The following MAGI2 variants were observed in gnomAD, a reference collection of about 807,000 sequenced individuals.
The protein encoded by MAGI2 is membrane-associated guanylate kinase, WW and PDZ domain-containing protein 2.
A neutral mutation model predicts 133.3 loss-of-function variants in MAGI2; 35 were observed. The observed-to-expected ratio is 0.26, with a 90% CI of 0.20 to 0.35. The LOEUF (loss-of-function observed/expected upper bound fraction) is 0.35. Among genes scored for constraint, MAGI2 ranks in the 10% least tolerant of loss-of-function variants. MAGI2 has a pLI of 1.00. For synonymous variants in MAGI2, 729 were observed against 710.6 expected (o/e 1.03, Z -0.41); for missense variants, 1,636 against 1,863.4 (o/e 0.88, Z 2.25).
Position 79,196,975 on chromosome 7 carries a change from T to C in MAGI2, c.302-189769A>G, listed in dbSNP as rs190449613. Among the ~76,000 whole-genome samples the C allele has an allele frequency of 4.9e-4, 74 of 151,854 alleles. 1 individual carries two copies. In the East Asian group the frequency reaches 6.6e-3, roughly 14 times the overall value. ...ATATATAGAGAGAGAGAGACTGGGTTTTGCCATGTTGCTCTAGCTAGTCTT... is the reference window on the plus strand; with the variant it reads ...ATATATAGAGAGAGAGAGACTGGGTCTTGCCATGTTGCTCTAGCTAGTCTT... On this transcript the variant is annotated intron_variant, in intron 1 of 21. Coordinates refer to ENST00000354212, the MANE Select transcript of MAGI2 (RefSeq NM_012301.4).
chr7:79,102,987 A>C, intron 1 of MAGI2, among the ~76,000 whole-genome samples: 1 of 152,200 alleles, frequency 6.6e-6, no homozygotes, highest in East Asian at 1.9e-4. Flanking sequence ...TGTGGGCAGC[A>C]GTTTCAGTCC....
Position 78,019,654 on chromosome 7 carries a change from G to T in MAGI2, c.4029C>A (p.Pro1343=), listed in dbSNP as rs1179058008. The T allele has an allele frequency of 4.3e-6, 5 of 1,170,796 alleles. No homozygotes were observed. The highest frequency in any genetic ancestry group is 3.8e-5 in the South Asian group (1 of 26,050). The allele number at this position is 1,170,796 out of a possible 1,614,324, so 72.5% of individuals were successfully genotyped here. ...GCCCGGGCGCCCTGGCCTCCGAGGCGGGCCTGCCGGCCTCGGGCCGCCCCT... is the reference window on the plus strand; with the variant it reads ...GCCCGGGCGCCCTGGCCTCCGAGGCTGGCCTGCCGGCCTCGGGCCGCCCCT... ...GGQGRPEAGR[P]ASEARAPGLA... The change falls in exon 22 of 22, where the codon CCC becomes CCA. Residue 1343 remains proline (P), a synonymous_variant. Coordinates refer to ENST00000354212, the MANE Select transcript of MAGI2 (RefSeq NM_012301.4).
intron 6 of MAGI2, among the ~76,000 whole-genome samples, chr7:78,370,134 A>G (rs1410202943): frequency 6.6e-6 from 1 of 152,122 alleles, no homozygotes; most frequent in East Asian, 1.9e-4. Flanking sequence ...AAGCACAGTT[A>G]TCAAAAGAAA....
At chr7:78,726,809 A>C (rs1820858138) in intron 2 of MAGI2, among the ~76,000 whole-genome samples, 1 of 152,200 alleles carries the variant, frequency 6.6e-6, no homozygotes, top group Non-Finnish European at 1.5e-5. Context: ...AGATCTATGT[A>C]ATATGTAGCA....
At chr7:78,248,531 A>G (rs1792036760) in intron 10 of MAGI2, among the ~76,000 whole-genome samples, 1 of 152,188 alleles carries the variant, frequency 6.6e-6, no homozygotes, top group Non-Finnish European at 1.5e-5. Flanking sequence ...AGAGACTCAC[A>G]TTAACCTTAA....
At chr7:78,272,307 A>C (rs568672523) in intron 9 of MAGI2, among the ~76,000 whole-genome samples, 1 of 151,990 alleles carries the variant, frequency 6.6e-6, no homozygotes, top group Non-Finnish European at 1.5e-5. Flanking sequence ...GGTCTGAGAG[A>C]CTGTTTATGA....
At chr7:78,740,659 T>C (rs572701590) in intron 2 of MAGI2, among the ~76,000 whole-genome samples, 1 of 152,314 alleles carries the variant, frequency 6.6e-6, no homozygotes, top group East Asian at 1.9e-4. Flanking sequence ...GCATCACTGA[T>C]ACTAGAGACC....
At chr7:78,110,446 G>A (rs544863302) in intron 20 of MAGI2, among the ~76,000 whole-genome samples, 128 of 152,260 alleles carry the variant, frequency 8.4e-4, no homozygotes, top group African/African-American at 2.6e-3. Flanking sequence ...AAATGAATGC[G>A]CTGAACATCC....
chr7:79,228,880 G>A (rs1173355787), intron 1 of MAGI2, among the ~76,000 whole-genome samples: 2 of 152,074 alleles, frequency 1.3e-5, no homozygotes, highest in South Asian at 2.1e-4. Flanking sequence ...CATTGGAAGC[G>A]GAGTAGGGGC....
intron 2 of MAGI2, among the ~76,000 whole-genome samples, chr7:78,980,097 G>A (rs1300244731): frequency 6.6e-6 from 1 of 151,714 alleles, no homozygotes; most frequent in African/African-American, 2.4e-5. Flanking sequence ...GGACTACCTA[G>A]GTGTAAATTC....
chr7:79,218,339 A>T (rs1830191301), intron 1 of MAGI2, among the ~76,000 whole-genome samples: 1 of 152,022 alleles, frequency 6.6e-6, no homozygotes. Flanking sequence ...TGGCACCTGC[A>T]CGTATTACAT....
At chr7:79,045,398 T>C (rs1041853320) in intron 1 of MAGI2, among the ~76,000 whole-genome samples, 10 of 152,220 alleles carry the variant, frequency 6.6e-5, no homozygotes, top group African/African-American at 1.2e-4. Context: ...ATTTTAAACA[T>C]TTACTTATAA....
chr7:79,032,579 C>A (rs961334250), intron 1 of MAGI2, among the ~76,000 whole-genome samples: 1 of 150,510 alleles, frequency 6.6e-6, no homozygotes, highest in African/African-American at 2.4e-5. Flanking sequence ...AACATCAAGT[C>A]TAGGTTTAGA....
chr7:78,495,908 A>G (rs953455089), intron 5 of MAGI2, among the ~76,000 whole-genome samples: 5 of 152,176 alleles, frequency 3.3e-5, no homozygotes, highest in African/African-American at 7.2e-5. Flanking sequence ...AAAATATTCA[A>G]TGTATCTCCT....
chr7:79,360,650 T>C (rs1453318182), intron 1 of MAGI2, among the ~76,000 whole-genome samples: 1 of 152,100 alleles, frequency 6.6e-6, no homozygotes, highest in Non-Finnish European at 1.5e-5. Context: ...AGTAGACTCT[T>C]ATAAGTCACA....
chr7:78,418,531 A>T (rs948314886), intron 6 of MAGI2, among the ~76,000 whole-genome samples: 1 of 152,202 alleles, frequency 6.6e-6, no homozygotes, highest in Non-Finnish European at 1.5e-5. Flanking sequence ...AGCTGCTAGC[A>T]CATGTGGCTA....
chr7:79,143,038 C>T (rs1309392431), intron 1 of MAGI2, among the ~76,000 whole-genome samples: 2 of 152,034 alleles, frequency 1.3e-5, no homozygotes, highest in African/African-American at 2.4e-5. Context: ...CAGTTTTGTT[C>T]TGATAAATGA....
chr7:78,122,985 T>C (rs549061686), intron 20 of MAGI2, among the ~76,000 whole-genome samples: 19 of 152,338 alleles, frequency 1.2e-4, no homozygotes, highest in African/African-American at 4.6e-4. Context: ...ACGTAAGTCT[T>C]CTTTTTATAA....
At chr7:79,237,325 T>C (rs1042388038) in intron 1 of MAGI2, among the ~76,000 whole-genome samples, 5 of 152,108 alleles carry the variant, frequency 3.3e-5, no homozygotes, top group Admixed American at 2.0e-4. Context: ...AAACCCCGTC[T>C]CTACTAAAAA....
Sources: gnomAD v4.1 joint callset for allele counts (sites outside exome capture counted in the v4.1 genomes callset) on GRCh38, gnomAD v4.1.1 for gene constraint, MANE v1.5 for transcripts, NCBI Gene and HGNC (gene_info 2026-07-23, HGNC 2026-07-21) for gene names.